EPB41L3: variants seen among roughly 807,000 people sequenced by gnomAD.
EPB41L3 encodes the protein band 4.1-like protein 3.
A neutral mutation model predicts 127.1 loss-of-function variants in EPB41L3; 57 were observed. That is an observed-to-expected ratio of 0.45 (90% confidence interval 0.36 to 0.56). The LOEUF (loss-of-function observed/expected upper bound fraction) is 0.56, where lower values mean the gene tolerates loss of function less well. Among genes scored for constraint, EPB41L3 ranks in the 20% least tolerant of loss-of-function variants. EPB41L3 has a pLI of 0.00. For synonymous variants in EPB41L3, 572 were observed against 549.5 expected, an observed-to-expected ratio of 1.04 and a Z score of -0.57; for missense variants, 1,273 against 1,372.2, an observed-to-expected ratio of 0.93 and a Z score of 1.14.
intron 2 of EPB41L3, among the ~76,000 whole-genome samples, chr18:5,613,892 TA>T (rs1403177519): frequency 6.6e-6 from 1 of 152,214 alleles, no homozygotes; most frequent in Admixed American, 6.5e-5. Context: ...TTAAGTGAAT[TA>T]AAAATAAATA....
intron 6 of EPB41L3, among the ~76,000 whole-genome samples, chr18:5,437,694 T>C (rs1053205589): frequency 1.3e-5 from 2 of 152,194 alleles, no homozygotes; most frequent in Non-Finnish European, 2.9e-5. Context: ...ACATTTTTAC[T>C]CTAAGTATTA....
At chr18:5,403,162 T>C (rs1489374667) in intron 16 of EPB41L3, among the ~76,000 whole-genome samples, 1 of 152,204 alleles carries the variant, frequency 6.6e-6, no homozygotes, top group Non-Finnish European at 1.5e-5. Context: ...ACAGAGGATG[T>C]ACCTGGCACG....
chr18:5,627,897 A>G (rs1425657526), intron 1 of EPB41L3, among the ~76,000 whole-genome samples: 1 of 152,230 alleles, frequency 6.6e-6, no homozygotes, highest in Non-Finnish European at 1.5e-5. Flanking sequence ...CTATTAACTA[A>G]TGTTAATAGT....
intron 7 of EPB41L3, 66 bp from the exon 8 acceptor site, chr18:5,433,622 A>G: frequency 7.2e-7 from 1 of 1,382,574 alleles, no homozygotes; most frequent in East Asian, 2.4e-5. Flanking sequence ...AATATTTCCC[A>G]CTTAGTTCCA....
intron 1 of EPB41L3, among the ~76,000 whole-genome samples, chr18:5,526,566 A>G (rs1014826240): frequency 6.6e-5 from 10 of 152,218 alleles, no homozygotes; most frequent in African/African-American, 2.4e-4. Flanking sequence ...CTGGAGCTAA[A>G]GAAAAATCTC....
chr18:5,590,046 A>C (rs1719938), intron 3 of EPB41L3, among the ~76,000 whole-genome samples: 60,666 of 152,092 alleles, frequency 0.4, 12,721 homozygotes, highest in Non-Finnish European at 0.47. Flanking sequence ...AAAAGGAGAA[A>C]CATCCATTTA....
chr18:5,567,649 A>G (rs552068563), intron 3 of EPB41L3, among the ~76,000 whole-genome samples: 118 of 152,076 alleles, frequency 7.8e-4, no homozygotes, highest in African/African-American at 2.7e-3. Flanking sequence ...AGGAAGGAAG[A>G]AAGGAAGGAA....
chr18:5,396,310 G>A lies in EPB41L3; in HGVS notation c.2864C>T (p.Thr955Ile). 1.9e-6 allele frequency: 3 copies of A among 1,614,156 alleles called. No homozygotes were observed. The highest frequency in any genetic ancestry group is 1.7e-6 in the Non-Finnish European group (2 of 1,180,036). Reference sequence around the variant, plus strand: ...CGGTGAAACACTGCCAAAACTGATGGTTTCCGTCTTCACCGTTGAGGACTG... The same window carrying A: ...CGGTGAAACACTGCCAAAACTGATGATTTCCGTCTTCACCGTTGAGGACTG... ...HFESSTVKTE[T>I]ISFGSVSPGG... is the part of the protein sequence containing the mutation. The change falls in exon 19 of 23, where the codon ACC (threonine) becomes ATC (isoleucine). Residue 955 changes from threonine (T) to isoleucine (I), a missense_variant. Around this residue, in one of 3 missense-constraint regions of EPB41L3, gnomAD observed 765 missense variants for 782.9 expected, o/e 0.98. Coordinates refer to ENST00000341928, the MANE Select transcript of EPB41L3 (RefSeq NM_012307.5).
chr18:5,395,036 G>A, intron 21 of EPB41L3, 31 bp downstream of exon 21: 1 of 1,600,536 alleles, frequency 6.2e-7, no homozygotes. Context: ...TTGTTTCTCT[G>A]CCAGGGTATT....
intron 3 of EPB41L3, among the ~76,000 whole-genome samples, chr18:5,551,276 A>C (rs1262100073): frequency 3.9e-5 from 6 of 152,192 alleles, no homozygotes; most frequent in Admixed American, 3.9e-4. Flanking sequence ...ATATCTGAAA[A>C]TCGTTGTATA....
chr18:5,526,700 G>T (rs2093234927), intron 1 of EPB41L3, among the ~76,000 whole-genome samples: 1 of 152,168 alleles, frequency 6.6e-6, no homozygotes, highest in African/African-American at 2.4e-5. Context: ...AGCAATGGAA[G>T]CTTTCTTGTG....
intron 3 of EPB41L3, among the ~76,000 whole-genome samples, chr18:5,550,638 G>A (rs974554223): frequency 5.9e-5 from 9 of 152,184 alleles, no homozygotes; most frequent in African/African-American, 1.9e-4. Context: ...GGAGATACCA[G>A]ATGACATCTG....
intron 3 of EPB41L3, among the ~76,000 whole-genome samples, chr18:5,585,827 G>A (rs8094843): frequency 1.3e-5 from 2 of 151,154 alleles, no homozygotes; most frequent in East Asian, 2.0e-4. Context: ...CCTGAGAAGC[G>A]GGGGTATTTC....
Position 5,416,285 on chromosome 18 carries a change from CCTTACACCTCCT to C in EPB41L3, c.1588_1599del (p.Arg530_Lys533del). 6.2e-7 allele frequency: 1 copy of C among 1,614,070 alleles called. No homozygotes were observed. The highest frequency in any genetic ancestry group is 8.5e-7 in the Non-Finnish European group (1 of 1,180,032). On this transcript the variant is annotated inframe_deletion, in exon 13 of 23. Transcript: ENST00000341928. ...TAACCTGGCAGTTTGCAGTCATTCT[CCTTACACCTCCT>C]ACGGAGCTCTGTGGGAGATGTGGGG...
intron 3 of EPB41L3, among the ~76,000 whole-genome samples, chr18:5,464,151 C>T (rs1014232218): frequency 6.6e-5 from 10 of 152,112 alleles, no homozygotes; most frequent in African/African-American, 2.4e-4. Flanking sequence ...ATAAATATCA[C>T]GCACATAGTT....
chr18:5,591,083 T>A (rs763423076), intron 3 of EPB41L3, among the ~76,000 whole-genome samples: 2 of 152,154 alleles, frequency 1.3e-5, no homozygotes, highest in Non-Finnish European at 2.9e-5. Flanking sequence ...TAAAAAGATG[T>A]CTTAAAGAGA....
intron 1 of EPB41L3, among the ~76,000 whole-genome samples, chr18:5,495,852 A>C (rs2091120461): frequency 6.6e-6 from 1 of 152,224 alleles, no homozygotes; most frequent in Admixed American, 6.5e-5. Flanking sequence ...CTGAGAACCA[A>C]AGACACTGTT....
At chr18:5,503,196 T>G (rs927920637) in intron 1 of EPB41L3, among the ~76,000 whole-genome samples, 2 of 152,236 alleles carry the variant, frequency 1.3e-5, no homozygotes, top group Non-Finnish European at 2.9e-5. Flanking sequence ...TCTACTGTCT[T>G]AACTTAGTTT....
chr18:5,518,031 C>T (rs1307875815), intron 1 of EPB41L3, among the ~76,000 whole-genome samples: 2 of 152,126 alleles, frequency 1.3e-5, no homozygotes, highest in African/African-American at 2.4e-5. Context: ...ACATAATGGG[C>T]TCCTAAGGGG....
Sources: gnomAD v4.1 joint callset for allele counts (sites outside exome capture counted in the v4.1 genomes callset) on GRCh38, gnomAD v4.1.1 for gene constraint, gnomAD v4.1.1 regional missense constraint, MANE v1.5 for transcripts, NCBI Gene and HGNC (gene_info 2026-07-23, HGNC 2026-07-21) for gene names.